The following RTN1 variants were observed in gnomAD, a reference collection of about 807,000 sequenced individuals.
The protein encoded by RTN1 is reticulon-1.
A neutral mutation model predicts 65.5 loss-of-function variants in RTN1; 25 were observed. That is an observed-to-expected ratio of 0.38 (90% CI 0.28 to 0.53). The LOEUF is 0.53. Among genes scored for constraint, RTN1 ranks in the 20% least tolerant of loss-of-function variants. The pLI is 0.79. For synonymous variants in RTN1, 471 were observed against 447.6 expected, an observed-to-expected ratio of 1.05 and a Z score of -0.66; for missense variants, 983 against 1,025.4, an observed-to-expected ratio of 0.96 and a Z score of 0.57.
Position 59,745,668 on chromosome 14 carries a change from T to C in RTN1, c.1015+40A>G, listed in dbSNP as rs763990704. On this transcript the variant is annotated intron_variant, in intron 2 of 8. Coordinates refer to ENST00000267484, the MANE Select transcript of RTN1 (RefSeq NM_021136.3). ...TGTTTTAGGGATTGAGATTTCCATA[T>C]GCTGGGTTTTCCTAAGTCAAGCAAT... The C allele has an allele frequency of 4.7e-6, 7 of 1,501,784 alleles. No individual in the cohort carries two copies. In the South Asian group the frequency reaches 8.0e-5, roughly 17 times the overall value. 93.0% of individuals were successfully genotyped at this position (1,501,784 alleles called of 1,614,324 possible). A position where few individuals can be genotyped will look rare whatever the true frequency, so the allele number is the denominator to read the frequency against.
intron 1 of RTN1, among the ~76,000 whole-genome samples, chr14:59,773,792 G>C (rs1395050573): frequency 1.3e-5 from 2 of 151,862 alleles, no homozygotes; most frequent in African/African-American, 4.8e-5. Context: ...CTTCTACCCT[G>C]GTTTCTATCA....
At chr14:59,852,820 G>A (rs1887533119) in intron 1 of RTN1, among the ~76,000 whole-genome samples, 1 of 152,146 alleles carries the variant, frequency 6.6e-6, no homozygotes, top group African/African-American at 2.4e-5. Context: ...AAAATTTATG[G>A]AATGCAGATC....
chr14:59,803,827 C>A lies in RTN1; in HGVS notation c.242-57346G>T, dbSNP rs948073166. Among the ~76,000 whole-genome samples the A allele has an allele frequency of 6.6e-6, 1 of 152,158 alleles. No individual in the cohort carries two copies. The highest frequency in any genetic ancestry group is 1.5e-5 in the Non-Finnish European group (1 of 68,038). ...AACTTGAAGATTCAGAAACCTGAGG[C>A]CACAGTATCCTATACTTAATTGTCT... On this transcript the variant is annotated intron_variant, in intron 1 of 8. Coordinates refer to ENST00000267484, the MANE Select transcript of RTN1 (RefSeq NM_021136.3). The surrounding 1 kb of genome is among the most constrained non-coding windows in gnomAD (Gnocchi z 5.6).
intron 3 of RTN1, among the ~76,000 whole-genome samples, chr14:59,662,467 A>G (rs927976978): frequency 6.6e-6 from 1 of 152,042 alleles, no homozygotes; most frequent in African/African-American, 2.4e-5. Flanking sequence ...AGCTTCATCC[A>G]TGTCCCTACA....
rs1383578127 is a variant in RTN1 at position 59,774,698 on chromosome 14, G to A, written c.242-28217C>T. Reference sequence around the variant, plus strand: ...TTCCTTTCTAAATAAACCATTAACAGTGTGGATAAATCTAGTCCCAATAAG... The same window carrying A: ...TTCCTTTCTAAATAAACCATTAACAATGTGGATAAATCTAGTCCCAATAAG... On this transcript the variant is annotated intron_variant, in intron 1 of 8. Transcript: ENST00000267484. This position sits in a 1 kb window ranked among gnomAD's most constrained non-coding sequence, Gnocchi z 5.1. 6.6e-6 allele frequency among the ~76,000 whole-genome samples: 1 copy of A among 152,084 alleles called. No homozygotes were observed. The highest frequency in any genetic ancestry group is 6.6e-5 in the Admixed American group (1 of 15,252).
chr14:59,660,034 G>C (rs919787940), intron 3 of RTN1, among the ~76,000 whole-genome samples: 1 of 152,098 alleles, frequency 6.6e-6, no homozygotes, highest in Non-Finnish European at 1.5e-5. Flanking sequence ...TAAAATAAAG[G>C]GATGTAGGAA....
chr14:59,869,810 G>C (rs1226980692), intron 1 of RTN1, among the ~76,000 whole-genome samples: 2 of 152,208 alleles, frequency 1.3e-5, no homozygotes, highest in Non-Finnish European at 2.9e-5. Context: ...AAACTCCCTG[G>C]GATTTGTTTT....
At chr14:59,628,919 G>A (rs1882472094) in intron 3 of RTN1, among the ~76,000 whole-genome samples, 1 of 152,108 alleles carries the variant, frequency 6.6e-6, no homozygotes, top group Non-Finnish European at 1.5e-5. Context: ...AAAAATACTA[G>A]AAACTCATAA....
At chr14:59,776,671 G>A (rs938059105) in intron 1 of RTN1, among the ~76,000 whole-genome samples, 3 of 152,104 alleles carry the variant, frequency 2.0e-5, no homozygotes, top group Admixed American at 6.6e-5. Flanking sequence ...TTCCTCCGCT[G>A]TGTGGGGCCT....
intron 3 of RTN1, among the ~76,000 whole-genome samples, chr14:59,655,921 C>T (rs546013957): frequency 6.6e-6 from 1 of 152,172 alleles, no homozygotes; most frequent in Admixed American, 6.5e-5. Context: ...AAGACCCACA[C>T]AAAAACTTGG....
At position 59,790,038 on chromosome 14, in the gene RTN1, C is replaced by G. The variant is rs1287913658; in HGVS notation, c.242-43557G>C. Among the ~76,000 whole-genome samples the G allele has an allele frequency of 2.0e-5, 3 of 151,840 alleles. No individual in the cohort carries two copies. The highest frequency in any genetic ancestry group is 2.0e-4 in the Admixed American group (3 of 15,228). On this transcript the variant is annotated intron_variant, in intron 1 of 8. Transcript: ENST00000267484. The surrounding 1 kb of genome is among the most constrained non-coding windows in gnomAD (Gnocchi z 4.1). Reference sequence around the variant, plus strand: ...AAAAAGGGAAATGCCCGAGCTAAAGCAATGAATCAAGGGCCAAAATGATAT... The same window carrying G: ...AAAAAGGGAAATGCCCGAGCTAAAGGAATGAATCAAGGGCCAAAATGATAT...
intron 1 of RTN1, among the ~76,000 whole-genome samples, chr14:59,779,892 A>C (rs1361520842): frequency 6.6e-6 from 1 of 152,196 alleles, no homozygotes; most frequent in Non-Finnish European, 1.5e-5. Context: ...ATTAAGGCAC[A>C]GGTATTAAAT....
chr14:59,790,609 A>G lies in RTN1; in HGVS notation c.242-44128T>C, dbSNP rs1886330745. On this transcript the variant is annotated intron_variant, in intron 1 of 8. Coordinates refer to ENST00000267484, the MANE Select transcript of RTN1 (RefSeq NM_021136.3). This position sits in a 1 kb window ranked among gnomAD's most constrained non-coding sequence, Gnocchi z 4.1. ...TGGCGTCAAAGCTTAACCAGAGAAT[A>G]TATGTCTTGGCATTGAAGTTTCTGT... is the stretch of plus-strand genomic sequence containing the variant. Among the ~76,000 whole-genome samples, 1 of 152,220 alleles carries G rather than the reference A, an allele frequency of 6.6e-6. No homozygotes were observed. Among genetic ancestry groups the G allele is most frequent in the African/African-American group, 2.4e-5 (1 of 41,474 alleles).
At chr14:59,742,376 G>T (rs998746875) in intron 2 of RTN1, among the ~76,000 whole-genome samples, 1 of 152,118 alleles carries the variant, frequency 6.6e-6, no homozygotes, top group Admixed American at 6.5e-5. Context: ...TGGGGCATCA[G>T]GGCATTTATT....
intron 8 of RTN1, among the ~76,000 whole-genome samples, chr14:59,597,443 G>A (rs959761610): frequency 1.3e-5 from 2 of 152,198 alleles, no homozygotes; most frequent in South Asian, 2.1e-4. Context: ...CATGATTTTC[G>A]GACAGGTTTA....
rs181288028 is a variant in RTN1, at chr14:59,795,339, G to A, written c.242-48858C>T. On this transcript the variant is annotated intron_variant, in intron 1 of 8. Transcript: ENST00000267484. Reference sequence around the variant, plus strand: ...TTTTTTAACAATTTCAAAATAACTAGATTAATGTTAAATACTAATGTGGGC... The same window carrying A: ...TTTTTTAACAATTTCAAAATAACTAAATTAATGTTAAATACTAATGTGGGC... Among the ~76,000 whole-genome samples, 206 of 152,242 alleles carry A rather than the reference G, an allele frequency of 1.4e-3. 1 individual carries two copies. Among genetic ancestry groups the A allele is most frequent in the African/African-American group, 4.5e-3 (188 of 41,542 alleles).
intron 3 of RTN1, among the ~76,000 whole-genome samples, chr14:59,667,538 G>GA (rs1883405715): frequency 6.6e-6 from 1 of 152,112 alleles, no homozygotes; most frequent in Non-Finnish European, 1.5e-5. Flanking sequence ...CATCCCCTTT[G>GA]AAAACTGGCA....
chr14:59,838,086 C>T (rs1350062912), intron 1 of RTN1, among the ~76,000 whole-genome samples: 1 of 152,256 alleles, frequency 6.6e-6, no homozygotes. Context: ...AGTTTTTCGG[C>T]CTTTGCCCCT....
intron 1 of RTN1, among the ~76,000 whole-genome samples, chr14:59,750,159 T>TATATATTATATCTATAATATATAATAC (rs1246261263): frequency 2.8e-4 from 13 of 46,090 alleles, no homozygotes; most frequent in South Asian, 4.9e-4. Flanking sequence ...TTATAGATAA[T>TATATATTATATCTATAATATATAATAC]ATATATTATA....
Sources: allele counts gnomAD v4.1 joint callset (sites outside exome capture counted in the v4.1 genomes callset), GRCh38; gene constraint gnomAD v4.1.1; non-coding constraint Gnocchi (gnomAD v3.1); transcripts MANE v1.5; gene names NCBI Gene and HGNC (gene_info 2026-07-23, HGNC 2026-07-21).